TMEM131: variants seen among roughly 807,000 people sequenced by gnomAD.
TMEM131 encodes transmembrane protein 131.
A neutral mutation model predicts 211.6 loss-of-function variants in TMEM131; 66 were observed. That is an observed-to-expected ratio of 0.31 (90% CI 0.26 to 0.38). The LOEUF (loss-of-function observed/expected upper bound fraction) is 0.38. TMEM131 is among the 10% of genes least tolerant of loss of function. TMEM131 has a pLI of 1.00. For synonymous variants in TMEM131, 844 were observed against 841.3 expected (o/e 1.00, Z -0.06); for missense variants, 2,036 against 2,299.3 (o/e 0.89, Z 2.34).
At chr2:97,976,399 T>C (rs1037704125) in intron 1 of TMEM131, among the ~76,000 whole-genome samples, 14 of 152,096 alleles carry the variant, frequency 9.2e-5, no homozygotes, top group African/African-American at 3.4e-4. Flanking sequence ...GAAATTGAGA[T>C]TTTAAAAAAA....
At chr2:97,859,497 A>G in intron 4 of TMEM131, 70 bp from the exon 5 acceptor site, 1 of 1,328,836 alleles carries the variant, frequency 7.5e-7, no homozygotes. Flanking sequence ...TTGTTAAAAA[A>G]TTAATCAAAA....
intron 28 of TMEM131, 41 bp from the exon 29 acceptor site, chr2:97,795,156 A>C (rs757845907): frequency 2.7e-6 from 4 of 1,488,334 alleles, no homozygotes; most frequent in Non-Finnish European, 2.8e-6. Flanking sequence ...TTTTAAAAAT[A>C]TCTCACAAGC....
At chr2:97,862,968 A>G (rs1376631765) in intron 4 of TMEM131, among the ~76,000 whole-genome samples, 1 of 152,170 alleles carries the variant, frequency 6.6e-6, no homozygotes, top group Non-Finnish European at 1.5e-5. Context: ...GGATAAAGAA[A>G]GGATCCTAAA....
In TMEM131 at chr2:97,776,032, TTAAAG is replaced by T; in HGVS notation, c.4145-19_4145-15del. 1 of 1,594,628 alleles carries T rather than the reference TTAAAG, an allele frequency of 6.3e-7. No homozygotes were observed. Among genetic ancestry groups the T allele is most frequent in the Non-Finnish European group, 8.5e-7 (1 of 1,174,384 alleles). On this transcript the variant is annotated splice_polypyrimidine_tract_variant and intron_variant, in intron 31 of 40. Transcript: ENST00000186436. ...GTTTTCCTTTCCCTGAGGATAAAAA[TTAAAG>T]TAAAAGAACTCTTGTTTTTGTTTCT... is the stretch of plus-strand genomic sequence containing the variant.
chr2:97,791,082 T>C (rs1680479836), intron 31 of TMEM131, among the ~76,000 whole-genome samples: 1 of 152,210 alleles, frequency 6.6e-6, no homozygotes, highest in South Asian at 2.1e-4. Context: ...TAATGTATAT[T>C]AGCATGGCTG....
chr2:97,834,797 AG>A lies in TMEM131; in HGVS notation c.932del (p.Pro311LeufsTer19). 6.2e-7 allele frequency: 1 copy of A among 1,613,680 alleles called. No individual in the cohort carries two copies. The highest frequency in any genetic ancestry group is 8.5e-7 in the Non-Finnish European group (1 of 1,179,754). On this transcript the variant is annotated frameshift_variant, in exon 9 of 41. Transcript: ENST00000186436. LOFTEE classifies it high-confidence loss of function. ...ASDSTEFIILPVEVEVTTAPG... is the reference protein window; with the variant it reads ...ASDSTEFIILXVEVEVTTAPG... ...AACCTGTTGTAACTTCAACCTCAAC[AG>A]GAAGAATGATAAACTCTGTGCTGTC...
chr2:97,802,609 C>G (rs771271588), intron 23 of TMEM131, 43 bp downstream of exon 23: 43 of 1,606,016 alleles, frequency 2.7e-5, no homozygotes, highest in Non-Finnish European at 3.7e-5. Flanking sequence ...CTTTATAATC[C>G]TAGTATGTAT....
Position 97,932,170 on chromosome 2 carries a change from T to C in TMEM131, c.188-4683A>G, listed in dbSNP as rs557492392. On this transcript the variant is annotated intron_variant, in intron 1 of 40. Transcript: ENST00000186436. Reference sequence around the variant, plus strand: ...AAAAAAAAAAAAAAAGACACTGCTATTTTAGAATTCAACATTGTTAAATAC... The same window carrying C: ...AAAAAAAAAAAAAAAGACACTGCTACTTTAGAATTCAACATTGTTAAATAC... Among the ~76,000 whole-genome samples, 6 of 152,118 alleles carry C rather than the reference T, an allele frequency of 3.9e-5. No homozygotes were observed. The South Asian group carries it at 1.2e-3, about 32-fold the overall frequency.
rs549626820 is a variant in TMEM131 at position 97,777,497 on chromosome 2, A to T, written c.4145-1479T>A. ...CATTTTTGAAGTGGTCGAAAAAAAGACACAAATAAGAAGAGGCAACAGAGA... is the reference window on the plus strand; with the variant it reads ...CATTTTTGAAGTGGTCGAAAAAAAGTCACAAATAAGAAGAGGCAACAGAGA... On this transcript the variant is annotated intron_variant, in intron 31 of 40. Coordinates refer to ENST00000186436, the MANE Select transcript of TMEM131 (RefSeq NM_015348.2). Among the ~76,000 whole-genome samples, 12 of 152,370 alleles carry T rather than the reference A, an allele frequency of 7.9e-5. No homozygotes were observed. In the East Asian group the frequency reaches 2.3e-3, roughly 29 times the overall value.
chr2:97,777,168 T>C (rs1189602083), intron 31 of TMEM131, among the ~76,000 whole-genome samples: 1 of 152,214 alleles, frequency 6.6e-6, no homozygotes, highest in East Asian at 1.9e-4. Flanking sequence ...CCCCAGGTTC[T>C]AGCACCTCAG....
At chr2:97,812,260 G>A (rs908603118) in intron 17 of TMEM131, among the ~76,000 whole-genome samples, 161 bp downstream of exon 17, 6 of 152,106 alleles carry the variant, frequency 3.9e-5, no homozygotes, top group African/African-American at 1.4e-4. Context: ...TAAAAATAGG[G>A]GGTTGAATTA....
chr2:97,929,021 T>G lies in TMEM131; in HGVS notation c.188-1534A>C, dbSNP rs151288612. 3.9e-4 allele frequency among the ~76,000 whole-genome samples: 59 copies of G among 151,830 alleles called. 2 individuals carry two copies. Among genetic ancestry groups the G allele is most frequent in the African/African-American group, 1.4e-3 (57 of 41,148 alleles). ...AGAGCCTAAAGCAATGACATGCCAA[T>G]AGCAAAGAACACACCTGGAACTCAG... On this transcript the variant is annotated intron_variant, in intron 1 of 40. Transcript: ENST00000186436.
chr2:97,805,635 T>A lies in TMEM131; in HGVS notation c.2124A>T (p.Ile708=), dbSNP rs976574537. ...SFSQKVKIQQ[I]RSLSEDVRFY... ...ATCGCACATCTTCTGACAAAGATCG[T>A]ATTTGCTGTATTTTTACCTTCTGTG... Residue 708 remains isoleucine, a synonymous_variant, in exon 20 of 41, where the codon ATA becomes ATT. Transcript: ENST00000186436. 6.2e-7 allele frequency: 1 copy of A among 1,611,240 alleles called. No homozygotes were observed.
chr2:97,961,059 A>C (rs1485476141), intron 1 of TMEM131, among the ~76,000 whole-genome samples: 1 of 152,034 alleles, frequency 6.6e-6, no homozygotes, highest in Non-Finnish European at 1.5e-5. Flanking sequence ...CTTACAACTG[A>C]CATCGTACTT....
intron 25 of TMEM131, among the ~76,000 whole-genome samples, chr2:97,797,794 T>C (rs1680835737): frequency 1.3e-5 from 2 of 152,282 alleles, no homozygotes; most frequent in Admixed American, 6.5e-5. Flanking sequence ...TTTGGATACA[T>C]ATCTTTTTTG....
intron 3 of TMEM131, among the ~76,000 whole-genome samples, chr2:97,902,762 C>T (rs536491223): frequency 6.6e-6 from 1 of 152,206 alleles, no homozygotes; most frequent in African/African-American, 2.4e-5. Flanking sequence ...AAGGCAGATC[C>T]ACCCTTAATC....
chr2:97,859,353 GATACT>G lies in TMEM131; in HGVS notation c.429_433del (p.Leu143PhefsTer17). 1 of 1,601,764 alleles carries G rather than the reference GATACT, an allele frequency of 6.2e-7. No homozygotes were observed. On this transcript the variant is annotated frameshift_variant, in exon 5 of 41. Coordinates refer to ENST00000186436, the MANE Select transcript of TMEM131 (RefSeq NM_015348.2). LOFTEE classifies it high-confidence loss of function. The stretch of plus-strand genomic sequence containing the variant: ...AAAATGTGATGTTGTAGCAGATATT[GATACT>G]AAAGTAATCGTTTCTTCAGAACTAG...
Position 97,995,466 on chromosome 2 carries a change from G to C in TMEM131, c.187+10C>G. The C allele has an allele frequency of 7.2e-7, 1 of 1,390,268 alleles. No homozygotes were observed. Among genetic ancestry groups the C allele is most frequent in the Non-Finnish European group, 9.4e-7 (1 of 1,066,932 alleles). The allele number at this position is 1,390,268 out of a possible 1,614,324, so 86.1% of individuals were successfully genotyped here. On this transcript the variant is annotated intron_variant, in intron 1 of 40. Transcript: ENST00000186436. ...GCCCCGCCGCAGGGACGCCGCCGGG[G>C]GACACCCACCTTCCTTCTCGGCCCG...
intron 25 of TMEM131, 80 bp from the exon 26 acceptor site, chr2:97,797,596 G>T: frequency 7.9e-7 from 1 of 1,258,190 alleles, no homozygotes; most frequent in Non-Finnish European, 1.1e-6. Flanking sequence ...CCCATCTAGA[G>T]CCCAGTATAG....
Sources: gnomAD v4.1 joint callset for allele counts (sites outside exome capture counted in the v4.1 genomes callset) on GRCh38, gnomAD v4.1.1 for gene constraint, MANE v1.5 for transcripts, NCBI Gene and HGNC (gene_info 2026-07-23, HGNC 2026-07-21) for gene names.